The following PARD3B variants were observed in gnomAD, a reference collection of about 807,000 sequenced individuals.
The protein encoded by PARD3B is partitioning defective 3 homolog B.
In PARD3B, 103 loss-of-function variants were observed where a neutral mutation model predicts 130.2. The observed-to-expected ratio is 0.79, with a 90% confidence interval of 0.67 to 0.93. The LOEUF (loss-of-function observed/expected upper bound fraction) is 0.93, where lower values mean the gene tolerates loss of function less well. PARD3B is among the 40% of genes least tolerant of loss of function. The pLI is 0.00. For missense variants in PARD3B, 1,609 were observed against 1,499.2 expected (o/e 1.07, Z -1.21); for synonymous variants, 583 against 553.2 (o/e 1.05, Z -0.76).
chr2:205,349,250 A>C (rs1348758997), intron 18 of PARD3B, among the ~76,000 whole-genome samples: 1 of 152,228 alleles, frequency 6.6e-6, no homozygotes, highest in Non-Finnish European at 1.5e-5. Flanking sequence ...GCACTGTTAC[A>C]TTGGCTGATT....
intron 13 of PARD3B, among the ~76,000 whole-genome samples, chr2:205,179,136 G>A (rs1034943061): frequency 4.6e-5 from 7 of 151,880 alleles, no homozygotes; most frequent in Non-Finnish European, 1.0e-4. Context: ...AGTTTAAAAG[G>A]TTAAAAGAAA....
At chr2:205,350,530 C>T (rs564542216) in intron 18 of PARD3B, among the ~76,000 whole-genome samples, 2 of 152,322 alleles carry the variant, frequency 1.3e-5, no homozygotes, top group South Asian at 4.1e-4. Flanking sequence ...TCTCAAAGTA[C>T]TATTTTTGTG....
chr2:205,284,004 G>A (rs945698417), intron 16 of PARD3B, among the ~76,000 whole-genome samples: 1 of 152,164 alleles, frequency 6.6e-6, no homozygotes, highest in African/African-American at 2.4e-5. Flanking sequence ...TGGCTGTCAT[G>A]GTGTGAATTA....
rs539006431 is a variant in PARD3B, at chr2:205,374,831, G to C, written c.2631-26182G>C. ...ATGAAACAAGCCAAGAAAATTAAGA[G>C]AGAAAAATTTTTGAGCAGAATTCCT... On this transcript the variant is annotated intron_variant, in intron 18 of 22. Coordinates refer to ENST00000406610, the MANE Select transcript of PARD3B (RefSeq NM_001302769.2). 3.9e-5 allele frequency among the ~76,000 whole-genome samples: 6 copies of C among 152,248 alleles called. No individual in the cohort carries two copies. In the East Asian group the frequency reaches 9.7e-4, roughly 24 times the overall value.
In PARD3B at chr2:205,113,469, C is replaced by T. The variant is rs768028664; in HGVS notation, c.594-22C>T. 17 of 1,578,590 alleles carry T rather than the reference C, an allele frequency of 1.1e-5. No homozygotes were observed. In the East Asian group the frequency reaches 3.1e-4, roughly 29 times the overall value. On this transcript the variant is annotated intron_variant, in intron 5 of 22. Transcript: ENST00000406610. The stretch of plus-strand genomic sequence containing the variant: ...GTTTTTTAGCAGACACTCATTTGTG[C>T]TCTTGTTTTTTTCTGCCCCAGTGAT...
rs996360599 is a variant in PARD3B, at chr2:205,351,940, T to C, written c.2631-49073T>C. ...ACCTGCCTCCCAGGTACACGCGTAT[T>C]GCTGAGGAAACACAACCAACACCCA... On this transcript the variant is annotated intron_variant, in intron 18 of 22. Coordinates refer to ENST00000406610, the MANE Select transcript of PARD3B (RefSeq NM_001302769.2). The surrounding 1 kb of genome is among the most constrained non-coding windows in gnomAD (Gnocchi z 4.2). 6.6e-6 allele frequency among the ~76,000 whole-genome samples: 1 copy of C among 152,176 alleles called. No individual in the cohort carries two copies. The highest frequency in any genetic ancestry group is 2.4e-5 in the African/African-American group (1 of 41,450).
intron 10 of PARD3B, among the ~76,000 whole-genome samples, chr2:205,157,303 T>C (rs984543039): frequency 2.6e-5 from 4 of 152,224 alleles, no homozygotes; most frequent in Non-Finnish European, 4.4e-5. Context: ...TGGAATCAAA[T>C]AATGGGATTT....
intron 1 of PARD3B, among the ~76,000 whole-genome samples, chr2:204,624,211 A>C (rs2034403110): frequency 6.6e-6 from 1 of 152,196 alleles, no homozygotes; most frequent in African/African-American, 2.4e-5. Flanking sequence ...ACTTGAATAG[A>C]TATTTCTCCA....
At chr2:205,206,357 C>A in intron 15 of PARD3B, among the ~76,000 whole-genome samples, 1 of 124,798 alleles carries the variant, frequency 8.0e-6, no homozygotes, top group Non-Finnish European at 1.7e-5. Context: ...CCGATGCTAT[C>A]CCTCCCCCCT....
At chr2:205,154,785 C>T (rs567539397) in intron 10 of PARD3B, among the ~76,000 whole-genome samples, 3 of 152,166 alleles carry the variant, frequency 2.0e-5, no homozygotes, top group Admixed American at 1.3e-4. Flanking sequence ...TCTGAGCAAA[C>T]TATCGCAAGG....
chr2:205,392,753 C>G (rs1288425312), intron 18 of PARD3B, among the ~76,000 whole-genome samples: 2 of 152,140 alleles, frequency 1.3e-5, no homozygotes, highest in African/African-American at 2.4e-5. Flanking sequence ...CACAGCCCTA[C>G]TGTTGTGAAA....
chr2:205,021,803 A>G lies in PARD3B; in HGVS notation c.395-25778A>G, dbSNP rs938596512. On this transcript the variant is annotated intron_variant, in intron 3 of 22. Transcript: ENST00000406610. The surrounding 1 kb of genome is among the most constrained non-coding windows in gnomAD (Gnocchi z 4.5). Reference sequence around the variant, plus strand: ...AATATATCAAGTCAATGGCAGAAACACAGGGAACTCAGGTCCCTTGGATTC... The same window carrying G: ...AATATATCAAGTCAATGGCAGAAACGCAGGGAACTCAGGTCCCTTGGATTC... Among the ~76,000 whole-genome samples, 19 of 152,290 alleles carry G rather than the reference A, an allele frequency of 1.2e-4. No individual in the cohort carries two copies. The highest frequency in any genetic ancestry group is 1.1e-3 in the Admixed American group (17 of 15,278).
intron 4 of PARD3B, among the ~76,000 whole-genome samples, chr2:205,058,772 A>G (rs958070021): frequency 6.6e-6 from 1 of 151,818 alleles, no homozygotes; most frequent in Non-Finnish European, 1.5e-5. Flanking sequence ...TCCTTTACTG[A>G]TTTTTGAATT....
chr2:204,613,592 G>A (rs943455903), intron 1 of PARD3B, among the ~76,000 whole-genome samples: 2 of 151,636 alleles, frequency 1.3e-5, no homozygotes, highest in African/African-American at 2.4e-5. Flanking sequence ...CTTTTTTTTG[G>A]CCACCTATTT....
At chr2:205,234,381 A>G (rs1219514816) in intron 15 of PARD3B, among the ~76,000 whole-genome samples, 1 of 152,230 alleles carries the variant, frequency 6.6e-6, no homozygotes, top group African/African-American at 2.4e-5. Flanking sequence ...ACATTAATGA[A>G]GAGACTACTA....
chr2:205,055,341 T>A (rs1175128700), intron 4 of PARD3B, among the ~76,000 whole-genome samples: 1 of 152,136 alleles, frequency 6.6e-6, no homozygotes, highest in Non-Finnish European at 1.5e-5. Flanking sequence ...TTCAGTTGAT[T>A]TGGAAGAAAA....
chr2:204,945,949 G>C (rs536796686), intron 2 of PARD3B, among the ~76,000 whole-genome samples: 26 of 152,266 alleles, frequency 1.7e-4, no homozygotes, highest in African/African-American at 6.0e-4. Context: ...TGTGTGTGTT[G>C]TTTCTTCTGC....
chr2:205,544,839 A>ATAAC (rs1428891088), intron 21 of PARD3B, among the ~76,000 whole-genome samples: 2 of 152,222 alleles, frequency 1.3e-5, no homozygotes, highest in Non-Finnish European at 2.9e-5. Context: ...ATGATGCAAG[A>ATAAC]TAACTTTTAT....
chr2:205,525,296 A>C lies in PARD3B; in HGVS notation c.3180+25265A>C, dbSNP rs2051286952. On this transcript the variant is annotated intron_variant, in intron 21 of 22. Transcript: ENST00000406610. This position sits in a 1 kb window ranked among gnomAD's most constrained non-coding sequence, Gnocchi z 4.2. The stretch of plus-strand genomic sequence containing the variant: ...ACTCCAAGAGTGGGGTCTCTGGAAA[A>C]TATAGTAACAAAGCTGGTTTTCTAG... 6.6e-6 allele frequency among the ~76,000 whole-genome samples: 1 copy of C among 152,166 alleles called. No homozygotes were observed. Among genetic ancestry groups the C allele is most frequent in the Non-Finnish European group, 1.5e-5 (1 of 68,028 alleles).
Sources: gnomAD v4.1 joint callset for allele counts (sites outside exome capture counted in the v4.1 genomes callset) on GRCh38, gnomAD v4.1.1 for gene constraint, Gnocchi (gnomAD v3.1) non-coding constraint, MANE v1.5 for transcripts, NCBI Gene and HGNC (gene_info 2026-07-23, HGNC 2026-07-21) for gene names.